PITPNC1: variants seen among roughly 807,000 people sequenced by gnomAD.
PITPNC1 encodes the protein cytoplasmic phosphatidylinositol transfer protein 1.
In PITPNC1, 18 loss-of-function variants were observed where a neutral mutation model predicts 44.7. The observed-to-expected ratio is 0.40, with a 90% CI of 0.28 to 0.60. PITPNC1 has a LOEUF of 0.60. Among genes scored for constraint, PITPNC1 ranks in the 20% least tolerant of loss-of-function variants. PITPNC1 has a pLI of 0.39. For missense variants in PITPNC1, 290 were observed against 418.4 expected (o/e 0.69, Z 2.68); for synonymous variants, 141 against 149.6 (o/e 0.94, Z 0.42).
At chr17:67,495,049 T>G (rs1187370031) in intron 1 of PITPNC1, among the ~76,000 whole-genome samples, 1 of 62,882 alleles carries the variant, frequency 1.6e-5, no homozygotes, top group Non-Finnish European at 3.0e-5. Flanking sequence ...TGTTTTTTTT[T>G]TTGTTTTTTT....
At chr17:67,544,506 A>C (rs1202372993) in intron 2 of PITPNC1, among the ~76,000 whole-genome samples, 1 of 152,184 alleles carries the variant, frequency 6.6e-6, no homozygotes, top group Non-Finnish European at 1.5e-5. Flanking sequence ...TGGCTGCTGG[A>C]TTAATTAGGC....
chr17:67,583,534 G>C (rs2041263299), intron 5 of PITPNC1, among the ~76,000 whole-genome samples: 1 of 144,066 alleles, frequency 6.9e-6, no homozygotes, highest in African/African-American at 2.6e-5. Flanking sequence ...GTTGCAGGGA[G>C]CCGAGATCAC....
intron 1 of PITPNC1, among the ~76,000 whole-genome samples, chr17:67,496,823 T>C (rs35418596): frequency 0.05 from 7,654 of 152,190 alleles, 256 homozygotes; most frequent in Middle Eastern, 0.11. Context: ...AATTCAAATG[T>C]AATACATAAA....
At chr17:67,535,748 A>G (rs2040519442) in intron 2 of PITPNC1, among the ~76,000 whole-genome samples, 1 of 152,190 alleles carries the variant, frequency 6.6e-6, no homozygotes, top group South Asian at 2.1e-4. Flanking sequence ...AGAAAGGGAA[A>G]TCCTCCGAGG....
chr17:67,480,492 A>T (rs1288127114), intron 1 of PITPNC1, among the ~76,000 whole-genome samples: 1 of 152,236 alleles, frequency 6.6e-6, no homozygotes, highest in South Asian at 2.1e-4. Flanking sequence ...AAATTCTGGT[A>T]GATCCAAGCA....
At chr17:67,447,910 C>A (rs977729492) in intron 1 of PITPNC1, among the ~76,000 whole-genome samples, 1 of 151,584 alleles carries the variant, frequency 6.6e-6, no homozygotes, top group Non-Finnish European at 1.5e-5. Context: ...TTCTTTCTTT[C>A]TCTCTCTGTC....
intron 1 of PITPNC1, among the ~76,000 whole-genome samples, chr17:67,383,546 C>G (rs1229277846): frequency 1.3e-5 from 2 of 152,150 alleles, no homozygotes; most frequent in Non-Finnish European, 2.9e-5. Context: ...GGCCCACCTC[C>G]TCCCGCAGCC....
At chr17:67,511,123 T>A (rs2040179369) in intron 1 of PITPNC1, among the ~76,000 whole-genome samples, 1 of 152,148 alleles carries the variant, frequency 6.6e-6, no homozygotes, top group African/African-American at 2.4e-5. Flanking sequence ...CTTACTTTCC[T>A]TCCCCCACAT....
intron 8 of PITPNC1, among the ~76,000 whole-genome samples, chr17:67,691,162 A>G (rs114529494): frequency 0.016 from 2,400 of 152,288 alleles, 74 homozygotes; most frequent in African/African-American, 0.054. Flanking sequence ...TCTGAGCATG[A>G]GAGAAGAGAT....
chr17:67,388,710 T>G (rs1479405591), intron 1 of PITPNC1, among the ~76,000 whole-genome samples: 1 of 151,982 alleles, frequency 6.6e-6, no homozygotes, highest in African/African-American at 2.4e-5. Flanking sequence ...AACCTCCACC[T>G]CTCGGGTTCA....
At chr17:67,553,652 C>G in intron 4 of PITPNC1, 35 bp downstream of exon 4, 1 of 948,734 alleles carries the variant, frequency 1.1e-6, no homozygotes. Context: ...AACATTCTGT[C>G]TATGATCAGT....
intron 5 of PITPNC1, among the ~76,000 whole-genome samples, chr17:67,602,648 T>A (rs2041556378): frequency 6.6e-6 from 1 of 152,098 alleles, no homozygotes; most frequent in Non-Finnish European, 1.5e-5. Context: ...CAATCACCAA[T>A]GAGGCGTGTG....
At chr17:67,639,840 C>A (rs1052673031) in intron 6 of PITPNC1, among the ~76,000 whole-genome samples, 1 of 152,180 alleles carries the variant, frequency 6.6e-6, no homozygotes, top group African/African-American at 2.4e-5. Flanking sequence ...AGGACCGGCC[C>A]TCAGAAAGGG....
At chr17:67,504,407 G>T (rs557439742) in intron 1 of PITPNC1, among the ~76,000 whole-genome samples, 1 of 152,188 alleles carries the variant, frequency 6.6e-6, no homozygotes, top group East Asian at 1.9e-4. Context: ...AACTGAAAAG[G>T]CATGGAGGTA....
chr17:67,532,069 T>A (rs879576927), intron 1 of PITPNC1, among the ~76,000 whole-genome samples: 11 of 152,090 alleles, frequency 7.2e-5, no homozygotes, highest in African/African-American at 1.7e-4. Flanking sequence ...CTCCACATGA[T>A]TATTTTAGGG....
intron 1 of PITPNC1, among the ~76,000 whole-genome samples, chr17:67,472,945 G>A (rs1015926293): frequency 2.0e-5 from 3 of 151,164 alleles, no homozygotes; most frequent in Non-Finnish European, 4.4e-5. Context: ...GCCTGATCTC[G>A]GCTCACTGCA....
intron 1 of PITPNC1, among the ~76,000 whole-genome samples, chr17:67,392,684 G>T (rs2038155923): frequency 6.6e-6 from 1 of 152,206 alleles, no homozygotes; most frequent in South Asian, 2.1e-4. Flanking sequence ...CCCCAGGGGA[G>T]AGTCAAAGAT....
At chr17:67,644,255 A>G (rs1160735563) in intron 6 of PITPNC1, among the ~76,000 whole-genome samples, 2 of 152,114 alleles carry the variant, frequency 1.3e-5, no homozygotes. Context: ...CAGTATTGCC[A>G]TGCTATCTCT....
chr17:67,437,898 T>C, intron 1 of PITPNC1, among the ~76,000 whole-genome samples: 1 of 151,950 alleles, frequency 6.6e-6, no homozygotes, highest in Admixed American at 6.6e-5. Context: ...CGAAACCCCA[T>C]CTCTACTAAA....
Sources: allele counts gnomAD v4.1 joint callset (sites outside exome capture counted in the v4.1 genomes callset), GRCh38; gene constraint gnomAD v4.1.1; transcripts MANE v1.5; gene names NCBI Gene and HGNC (gene_info 2026-07-23, HGNC 2026-07-21).